LRRK1: variants seen among roughly 807,000 people sequenced by gnomAD.
LRRK1 encodes the protein leucine-rich repeat serine/threonine-protein kinase 1.
LRRK1 carries 113 observed loss-of-function variants against 209.1 expected under a neutral mutation model. The observed-to-expected ratio is 0.54, with a 90% CI of 0.46 to 0.63. LRRK1 has a LOEUF of 0.63. Among genes scored for constraint, LRRK1 ranks in the 30% least tolerant of loss-of-function variants. The pLI, the probability that LRRK1 is intolerant of heterozygous loss-of-function variation, is 0.00. For missense variants in LRRK1, 2,284 were observed against 2,632.2 expected, an observed-to-expected ratio of 0.87 and a Z score of 2.89; for synonymous variants, 1,144 against 1,099.7, an observed-to-expected ratio of 1.04 and a Z score of -0.80.
intron 26 of LRRK1, among the ~76,000 whole-genome samples, chr15:101,054,309 G>A (rs1017715792): frequency 6.6e-6 from 1 of 152,160 alleles, no homozygotes; most frequent in Admixed American, 6.5e-5. Flanking sequence ...ACCCCTTTAC[G>A]TAGGACAGCC....
chr15:101,014,216 TTGAC>T (rs2033421871), intron 10 of LRRK1, 96 bp from the exon 11 acceptor site: 1 of 815,036 alleles, frequency 1.2e-6, no homozygotes, highest in African/African-American at 1.7e-5. Context: ...TTGGAATCGT[TTGAC>T]TGCGCGTGGT....
chr15:101,059,531 T>TA, intron 29 of LRRK1, among the ~76,000 whole-genome samples: 1 of 146,644 alleles, frequency 6.8e-6, no homozygotes, highest in East Asian at 1.9e-4. Context: ...GCAGCACTGT[T>TA]ATGATTGTTA....
intron 3 of LRRK1, among the ~76,000 whole-genome samples, chr15:100,979,410 G>A (rs549030879): frequency 1.3e-5 from 2 of 152,252 alleles, no homozygotes; most frequent in African/African-American, 4.8e-5. Flanking sequence ...ACTATTCAAT[G>A]TATTTAATAT....
intron 2 of LRRK1, among the ~76,000 whole-genome samples, chr15:100,943,190 A>G (rs1056700221): frequency 6.6e-5 from 10 of 152,082 alleles, no homozygotes; most frequent in African/African-American, 2.4e-4. Context: ...TGTAATTTTA[A>G]TCTTTCTGTT....
In LRRK1 at chr15:101,024,982, C is replaced by A. The variant is rs200523089; in HGVS notation, c.2232+15C>A. The A allele has an allele frequency of 6.2e-7, 1 of 1,608,214 alleles. No homozygotes were observed. Among genetic ancestry groups the A allele is most frequent in the Non-Finnish European group, 8.5e-7 (1 of 1,176,818 alleles). ...TCAACATCGAGGTGAGGACACCAGA[C>A]GCCAGCCCTGCCATTTCAGTGCCCA... On this transcript the variant is annotated intron_variant, in intron 16 of 33. Coordinates refer to ENST00000388948, the MANE Select transcript of LRRK1 (RefSeq NM_024652.6). The surrounding 1 kb of genome is among the most constrained non-coding windows in gnomAD (Gnocchi z 4.6).
At chr15:100,956,260 A>G (rs997621259) in intron 2 of LRRK1, among the ~76,000 whole-genome samples, 1 of 151,826 alleles carries the variant, frequency 6.6e-6, no homozygotes, top group Non-Finnish European at 1.5e-5. Context: ...CTTCCAGGTT[A>G]TCTAATTTGT....
Position 101,055,201 on chromosome 15 carries a change from C to G in LRRK1, c.4310C>G (p.Pro1437Arg). ...TPGYQAPEIR[P>R]RIVYDEKVDM... ...GGCTACCAGGCCCCAGAGATCAGGC[C>G]TCGCATTGTATATGATGAGAAGGTA... Residue 1437 changes from proline (P) to arginine (R), a missense_variant, in exon 27 of 34, where the codon CCT (proline) becomes CGT (arginine). Pro to Arg is a moderately radical substitution (Grantham distance 103). Around this residue, in one of 6 missense-constraint regions of LRRK1, gnomAD observed 59 missense variants for 103.8 expected, o/e 0.57. Coordinates refer to ENST00000388948, the MANE Select transcript of LRRK1 (RefSeq NM_024652.6). 1 of 1,591,304 alleles carries G rather than the reference C, an allele frequency of 6.3e-7. No individual in the cohort carries two copies. The highest frequency in any genetic ancestry group is 8.6e-7 in the Non-Finnish European group (1 of 1,169,330).
intron 2 of LRRK1, among the ~76,000 whole-genome samples, chr15:100,955,097 G>C (rs2042726813): frequency 6.6e-6 from 1 of 152,144 alleles, no homozygotes; most frequent in Non-Finnish European, 1.5e-5. Context: ...ACTTTGAGTA[G>C]TATGGACATT....
intron 13 of LRRK1, 62 bp from the exon 14 acceptor site, chr15:101,021,783 T>C (rs1469660396): frequency 0.03 from 387 of 12,778 alleles, no homozygotes; most frequent in South Asian, 0.13. Flanking sequence ...TGCGTGTGTG[T>C]GTGTGTGTGT....
chr15:101,067,896 C>G (rs1466069104), intron 33 of LRRK1, among the ~76,000 whole-genome samples: 1 of 152,248 alleles, frequency 6.6e-6, no homozygotes, highest in Non-Finnish European at 1.5e-5. Context: ...CTATTCATCC[C>G]TAAAGCCAGA....
chr15:100,982,629 A>G (rs960499601), intron 3 of LRRK1, among the ~76,000 whole-genome samples: 2 of 152,212 alleles, frequency 1.3e-5, no homozygotes, highest in African/African-American at 4.8e-5. Context: ...GTCCCTCTGC[A>G]TGCTGCTGGA....
At chr15:101,016,926 C>G (rs149277120) in intron 12 of LRRK1, among the ~76,000 whole-genome samples, 6 of 152,334 alleles carry the variant, frequency 3.9e-5, no homozygotes, top group African/African-American at 1.4e-4. Flanking sequence ...GGTCACACAA[C>G]AAGGCCAGTT....
chr15:100,950,678 T>G (rs2042626362), intron 2 of LRRK1, among the ~76,000 whole-genome samples: 1 of 152,216 alleles, frequency 6.6e-6, no homozygotes, highest in African/African-American at 2.4e-5. Context: ...TGTTCTTCAA[T>G]AGACATAATC....
intron 6 of LRRK1, among the ~76,000 whole-genome samples, chr15:101,001,759 A>G (rs941342986): frequency 1.3e-5 from 2 of 152,182 alleles, no homozygotes; most frequent in Non-Finnish European, 2.9e-5. Flanking sequence ...TCACTGAGCT[A>G]TAGTCTGTGC....
At chr15:101,060,439 T>TTGCTGTATTTTCTACCATTTCTATC (rs2036097917) in intron 29 of LRRK1, among the ~76,000 whole-genome samples, 1 of 152,222 alleles carries the variant, frequency 6.6e-6, no homozygotes, top group Non-Finnish European at 1.5e-5. Flanking sequence ...AAGTTTTTGT[T>TTGCTGTATTTTCTACCATTTCTATC]TGCTGTATTT....
At chr15:101,005,438 G>A in intron 6 of LRRK1, among the ~76,000 whole-genome samples, 1 of 152,096 alleles carries the variant, frequency 6.6e-6, no homozygotes, top group East Asian at 1.9e-4. Flanking sequence ...CGTGAATTGT[G>A]GATTATGGAA....
At chr15:100,987,068 A>G (rs2031914758) in intron 4 of LRRK1, among the ~76,000 whole-genome samples, 1 of 152,198 alleles carries the variant, frequency 6.6e-6, no homozygotes, top group African/African-American at 2.4e-5. Context: ...TAAGTGGATT[A>G]GGGGTCACTT....
At chr15:101,005,573 A>G (rs11247250) in intron 6 of LRRK1, among the ~76,000 whole-genome samples, 37,589 of 152,168 alleles carry the variant, frequency 0.25, 4,902 homozygotes, top group East Asian at 0.51. Flanking sequence ...TGATGAGCAC[A>G]CCTCACACCC....
Position 101,058,090 on chromosome 15 carries a change from C to T in LRRK1, c.4628C>T (p.Ser1543Phe). Residue 1543 changes from serine (S) to phenylalanine (F), a missense_variant, in exon 29 of 34, where the codon TCC becomes TTC. Physicochemically the swap from Ser to Phe is radical, Grantham distance 155. Around this residue, in one of 6 missense-constraint regions of LRRK1, gnomAD observed 643 missense variants for 695.9 expected, o/e 0.92. Coordinates refer to ENST00000388948, the MANE Select transcript of LRRK1 (RefSeq NM_024652.6). ...CCGKQTAFFSSQGQEYTVVFW... is the reference protein window; with the variant it reads ...CCGKQTAFFSFQGQEYTVVFW... ...GGGAAGCAGACAGCCTTCTTCTCAT[C>T]CCAGGGCCAGGAGTACACCGTGGTG... 6.2e-7 allele frequency: 1 copy of T among 1,614,180 alleles called. No individual in the cohort carries two copies. Among genetic ancestry groups the T allele is most frequent in the South Asian group, 1.1e-5 (1 of 91,076 alleles).
Sources: gnomAD v4.1 joint callset for allele counts (sites outside exome capture counted in the v4.1 genomes callset) on GRCh38, gnomAD v4.1.1 for gene constraint, gnomAD v4.1.1 regional missense constraint, Gnocchi (gnomAD v3.1) non-coding constraint, MANE v1.5 for transcripts, NCBI Gene and HGNC (gene_info 2026-07-23, HGNC 2026-07-21) for gene names.